The following MYO3B variants were observed in gnomAD, a reference collection of about 807,000 sequenced individuals.
MYO3B encodes myosin IIIB, also known as myosin-IIIb.
Under a neutral mutation model 174.6 loss-of-function variants are expected in MYO3B, and 156 were observed. That is an observed-to-expected ratio of 0.89 (90% CI 0.78 to 1.02). MYO3B has a LOEUF of 1.02. MYO3B is among the 50% of genes least tolerant of loss of function. The pLI is 0.00. For missense variants in MYO3B, 1,632 were observed against 1,639.4 expected (o/e 1.00, Z 0.08); for synonymous variants, 563 against 569.1 (o/e 0.99, Z 0.15).
intron 32 of MYO3B, among the ~76,000 whole-genome samples, chr2:170,620,408 T>A (rs1275599048): frequency 1.3e-5 from 2 of 152,180 alleles, no homozygotes; most frequent in African/African-American, 4.8e-5. Context: ...TTAACTATAT[T>A]AGGCAAGTCA....
rs548533112 is a variant in MYO3B, at chr2:170,206,545, C to T, written c.321+6261C>T. 6.6e-6 allele frequency among the ~76,000 whole-genome samples: 1 copy of T among 152,286 alleles called. No homozygotes were observed. The highest frequency in any genetic ancestry group is 2.1e-4 in the South Asian group (1 of 4,824). On this transcript the variant is annotated intron_variant, in intron 3 of 34. Coordinates refer to ENST00000408978, the MANE Select transcript of MYO3B (RefSeq NM_138995.5). This position sits in a 1 kb window ranked among gnomAD's most constrained non-coding sequence, Gnocchi z 4.3. ...AACTGAACTAAACTGGGTTCTTGAG[C>T]CCCCAGCCTGACTAAAGGAGGCAAC...
At chr2:170,300,774 T>A (rs990006471) in intron 7 of MYO3B, among the ~76,000 whole-genome samples, 1 of 152,228 alleles carries the variant, frequency 6.6e-6, no homozygotes, top group Non-Finnish European at 1.5e-5. Context: ...AGTATTTTTC[T>A]ACTTTTTGAA....
At chr2:170,352,929 G>A (rs545742580) in intron 8 of MYO3B, among the ~76,000 whole-genome samples, 1 of 152,338 alleles carries the variant, frequency 6.6e-6, no homozygotes, top group Admixed American at 6.5e-5. Flanking sequence ...AGGATGTGGA[G>A]CAAAAGGAAC....
chr2:170,386,917 C>T (rs1173450494), intron 13 of MYO3B, among the ~76,000 whole-genome samples, 189 bp from the exon 14 acceptor site: 2 of 152,202 alleles, frequency 1.3e-5, no homozygotes, highest in African/African-American at 4.8e-5. Context: ...TAGCCAAATC[C>T]GATTCATATG....
At chr2:170,401,923 C>T (rs1420282714) in intron 18 of MYO3B, among the ~76,000 whole-genome samples, 1 of 151,836 alleles carries the variant, frequency 6.6e-6, no homozygotes, top group East Asian at 1.9e-4. Context: ...CTGCCTCCGC[C>T]TCTTGAGTAG....
chr2:170,579,819 C>T (rs1340291449), intron 32 of MYO3B, among the ~76,000 whole-genome samples: 1 of 152,232 alleles, frequency 6.6e-6, no homozygotes, highest in Non-Finnish European at 1.5e-5. Flanking sequence ...TCCCCCAGTG[C>T]CTCTGATGAC....
chr2:170,247,674 A>G (rs2093206644), intron 7 of MYO3B, among the ~76,000 whole-genome samples: 1 of 152,166 alleles, frequency 6.6e-6, no homozygotes, highest in South Asian at 2.1e-4. Flanking sequence ...GTGTCTGATG[A>G]GGGCTCACTT....
intron 7 of MYO3B, among the ~76,000 whole-genome samples, chr2:170,290,005 C>A (rs1279952104): frequency 6.6e-6 from 1 of 151,994 alleles, no homozygotes; most frequent in Non-Finnish European, 1.5e-5. Flanking sequence ...GTGTGTTTTC[C>A]AAAGTTCCTC....
At chr2:170,412,448 C>T (rs967999313) in intron 22 of MYO3B, 30 of 152,140 alleles carry the variant, frequency 2.0e-4, no homozygotes, top group African/African-American at 6.8e-4. Flanking sequence ...ACCCTCATTG[C>T]CTTCTTCTGT....
At chr2:170,627,847 G>A (rs111716942) in intron 32 of MYO3B, among the ~76,000 whole-genome samples, 136 of 152,320 alleles carry the variant, frequency 8.9e-4, no homozygotes, top group African/African-American at 2.8e-3. Context: ...TATCACCAGC[G>A]GAGGGTGTAG....
intron 7 of MYO3B, among the ~76,000 whole-genome samples, chr2:170,252,159 C>G (rs1209496425): frequency 1.3e-5 from 2 of 152,224 alleles, no homozygotes; most frequent in African/African-American, 4.8e-5. Context: ...AGATCACAGT[C>G]CTCCTGCTGG....
intron 32 of MYO3B, among the ~76,000 whole-genome samples, chr2:170,596,195 A>G (rs1310672805): frequency 6.6e-6 from 1 of 152,216 alleles, no homozygotes; most frequent in East Asian, 1.9e-4. Flanking sequence ...CCAAAAGGAA[A>G]AAAAATTTGA....
At chr2:170,353,431 A>G (rs1218259997) in intron 8 of MYO3B, among the ~76,000 whole-genome samples, 1 of 152,236 alleles carries the variant, frequency 6.6e-6, no homozygotes, top group African/African-American at 2.4e-5. Flanking sequence ...GAACAGGTGG[A>G]ACCCACAGGA....
At chr2:170,526,942 C>G (rs1689039956) in intron 30 of MYO3B, among the ~76,000 whole-genome samples, 1 of 152,144 alleles carries the variant, frequency 6.6e-6, no homozygotes, top group Admixed American at 6.5e-5. Flanking sequence ...TTCCAAGGAC[C>G]AGAGGCCTCT....
chr2:170,474,211 G>A (rs185412988), intron 25 of MYO3B, among the ~76,000 whole-genome samples: 10 of 152,210 alleles, frequency 6.6e-5, no homozygotes, highest in Non-Finnish European at 8.8e-5. Flanking sequence ...CCTATAGAAA[G>A]CATTCTATAG....
intron 7 of MYO3B, among the ~76,000 whole-genome samples, chr2:170,330,818 C>T (rs1014095278): frequency 1.3e-5 from 2 of 152,182 alleles, no homozygotes; most frequent in African/African-American, 4.8e-5. Flanking sequence ...ATTCTTCAAA[C>T]CTGCTTGCTC....
At chr2:170,358,024 C>T (rs1030536299) in intron 8 of MYO3B, among the ~76,000 whole-genome samples, 14 of 151,778 alleles carry the variant, frequency 9.2e-5, no homozygotes, top group East Asian at 3.9e-4. Context: ...CGGTGGGGAG[C>T]GCCTGTAATC....
chr2:170,570,359 T>G (rs1286660895), intron 32 of MYO3B, among the ~76,000 whole-genome samples: 7 of 152,202 alleles, frequency 4.6e-5, no homozygotes, highest in Admixed American at 2.0e-4. Context: ...TTTAGCTGCT[T>G]CTTTTACGCT....
intron 25 of MYO3B, among the ~76,000 whole-genome samples, chr2:170,496,802 A>AT (rs1686879237): frequency 6.6e-6 from 1 of 151,656 alleles, no homozygotes. Context: ...AATTTTTTAA[A>AT]TTTTTTGCAG....
Sources: gnomAD v4.1 joint callset for allele counts (sites outside exome capture counted in the v4.1 genomes callset) on GRCh38, gnomAD v4.1.1 for gene constraint, Gnocchi (gnomAD v3.1) non-coding constraint, MANE v1.5 for transcripts, NCBI Gene and HGNC (gene_info 2026-07-23, HGNC 2026-07-21) for gene names.